The following PCDHA2 variants were observed in gnomAD, a reference collection of about 807,000 sequenced individuals.
PCDHA2 encodes the protein protocadherin alpha-2.
PCDHA2 carries 58 observed loss-of-function variants against 66.0 expected under a neutral mutation model. That is an observed-to-expected ratio of 0.88 (90% CI 0.71 to 1.09). The LOEUF (loss-of-function observed/expected upper bound fraction) is 1.09, where lower values mean the gene tolerates loss of function less well. PCDHA2 is among the 50% of genes least tolerant of loss of function. The probability of loss-of-function intolerance (pLI) is 0.00; values close to 1 mark genes in which losing one functional copy is unlikely to be tolerated. For missense variants in PCDHA2, 1,267 were observed against 1,242.3 expected (o/e 1.02, Z -0.30); for synonymous variants, 634 against 554.0 (o/e 1.14, Z -2.03).
At chr5:140,841,243 T>G in intron 1 of PCDHA2, 1 of 1,494,736 alleles carries the variant, frequency 6.7e-7, no homozygotes, top group Non-Finnish European at 9.0e-7. Flanking sequence ...GCAGCGGAAT[T>G]GGATTAAAAG....
chr5:140,869,963 A>G lies in PCDHA2; in HGVS notation c.2388+72611A>G, dbSNP rs782588471. 11 of 1,613,128 alleles carry G rather than the reference A, an allele frequency of 6.8e-6. No homozygotes were observed. Among genetic ancestry groups the G allele is most frequent in the East Asian group, 2.2e-5 (1 of 44,874 alleles). On this transcript the variant is annotated intron_variant, in intron 1 of 3. Coordinates refer to ENST00000526136, the MANE Select transcript of PCDHA2 (RefSeq NM_018905.3). ...TACTCCTTAATGTCAATTAAGCCCA[A>G]TGGAAGACACTTATTTACACTAGAT...
chr5:140,854,848 A>C (rs1384152430), intron 1 of PCDHA2, among the ~76,000 whole-genome samples: 2 of 149,876 alleles, frequency 1.3e-5, no homozygotes, highest in African/African-American at 4.9e-5. Flanking sequence ...ACATTGATAA[A>C]ATTACTAGAT....
intron 1 of PCDHA2, chr5:140,870,062 A>G (rs1554163774): frequency 5.0e-6 from 8 of 1,613,902 alleles, no homozygotes; most frequent in South Asian, 3.3e-5. Context: ...ATTGAAGTAC[A>G]GGCTACAGAT....
chr5:140,921,587 A>G (rs970982898), intron 1 of PCDHA2, among the ~76,000 whole-genome samples: 2 of 152,228 alleles, frequency 1.3e-5, no homozygotes, highest in Non-Finnish European at 2.9e-5. Context: ...ATACTATATT[A>G]TGGTTTCAAA....
intron 1 of PCDHA2, chr5:140,835,438 T>G (rs1773640668): frequency 6.2e-7 from 1 of 1,613,918 alleles, no homozygotes; most frequent in South Asian, 1.1e-5. Context: ...CAGTTGACTC[T>G]CACTTCCCTG....
intron 1 of PCDHA2, among the ~76,000 whole-genome samples, chr5:140,898,404 A>G (rs1170692741): frequency 1.3e-5 from 2 of 152,242 alleles, no homozygotes; most frequent in Non-Finnish European, 2.9e-5. Flanking sequence ...AGCTTTCTAC[A>G]TACGGCTAGC....
intron 1 of PCDHA2, among the ~76,000 whole-genome samples, chr5:140,840,107 G>A (rs2150303526): frequency 2.6e-5 from 4 of 151,884 alleles, no homozygotes; most frequent in East Asian, 1.9e-4. Flanking sequence ...TAGTGAAATC[G>A]AGTGAAAGCT....
chr5:140,936,337 C>G (rs1226552278), intron 1 of PCDHA2, among the ~76,000 whole-genome samples: 17 of 152,160 alleles, frequency 1.1e-4, no homozygotes, highest in Non-Finnish European at 1.5e-5. Context: ...TTTTCTCTAT[C>G]TGCATATATG....
At chr5:140,917,117 C>A (rs1318149439) in intron 1 of PCDHA2, among the ~76,000 whole-genome samples, 1 of 152,018 alleles carries the variant, frequency 6.6e-6, no homozygotes, top group Non-Finnish European at 1.5e-5. Flanking sequence ...CCTCCAAGTG[C>A]GCAGACTCCC....
chr5:140,993,462 TCACACACACACACACACA>T (rs3836747), intron 3 of PCDHA2, among the ~76,000 whole-genome samples: 75 of 141,044 alleles, frequency 5.3e-4, no homozygotes, highest in African/African-American at 1.6e-3. Flanking sequence ...TCTTTCTTTC[TCACACACACACACACACA>T]CACACACACA....
chr5:140,875,254 T>C, intron 1 of PCDHA2: 1 of 1,054,680 alleles, frequency 9.5e-7, no homozygotes, highest in Non-Finnish European at 1.3e-6. Flanking sequence ...ATCAGTCACA[T>C]GATGTCGCTC....
intron 1 of PCDHA2, chr5:140,884,397 T>C: frequency 6.2e-7 from 1 of 1,613,992 alleles, no homozygotes; most frequent in South Asian, 1.1e-5. Flanking sequence ...GTGTCCAGCC[T>C]GTTGGTGCTC....
chr5:140,969,404 G>A (rs1345885868), intron 1 of PCDHA2: 2 of 1,577,250 alleles, frequency 1.3e-6, no homozygotes, highest in Admixed American at 1.9e-5. Context: ...CTGTGATTTG[G>A]CTTTATTGAG....
intron 1 of PCDHA2, chr5:140,829,111 T>A: frequency 6.2e-7 from 1 of 1,612,018 alleles, no homozygotes; most frequent in Non-Finnish European, 8.5e-7. Flanking sequence ...TAGTGAGAAT[T>A]TTGGATAAAA....
intron 1 of PCDHA2, among the ~76,000 whole-genome samples, chr5:140,800,184 TA>T (rs1409618790): frequency 2.0e-5 from 3 of 152,214 alleles, no homozygotes; most frequent in Admixed American, 2.0e-4. Flanking sequence ...GTGGAAAAAT[TA>T]AACCTAATAT....
intron 3 of PCDHA2, among the ~76,000 whole-genome samples, chr5:140,982,811 A>G (rs1024619481): frequency 1.3e-5 from 2 of 150,966 alleles, no homozygotes; most frequent in Non-Finnish European, 1.5e-5. Flanking sequence ...GTGTGTGTGT[A>G]TGAAGTTTTT....
intron 1 of PCDHA2, among the ~76,000 whole-genome samples, chr5:140,903,945 C>G (rs191892568): frequency 2.6e-5 from 4 of 152,162 alleles, no homozygotes; most frequent in Non-Finnish European, 5.9e-5. Context: ...CTCTTAAATA[C>G]TGGAAAATTA....
intron 1 of PCDHA2, chr5:140,800,939 G>T (rs1762615458): frequency 2.0e-6 from 2 of 996,480 alleles, no homozygotes; most frequent in Non-Finnish European, 2.6e-6. Flanking sequence ...TTTTGGGAAA[G>T]TTCAAACGAC....
At chr5:140,928,666 T>C in intron 1 of PCDHA2, 8 of 1,614,212 alleles carry the variant, frequency 5.0e-6, no homozygotes, top group Non-Finnish European at 6.8e-6. Context: ...TGACAGTGGT[T>C]CTAATGCCTG....
Sources: allele counts gnomAD v4.1 joint callset (sites outside exome capture counted in the v4.1 genomes callset), GRCh38; gene constraint gnomAD v4.1.1; transcripts MANE v1.5; gene names NCBI Gene and HGNC (gene_info 2026-07-23, HGNC 2026-07-21).